Variants in POU6F2 observed in about 807,000 individuals in gnomAD.
The protein encoded by POU6F2 is POU class 6 homeobox 2.
Under a neutral mutation model 71.3 loss-of-function variants are expected in POU6F2, and 31 were observed. The observed-to-expected ratio is 0.43, with a 90% confidence interval of 0.33 to 0.59. The LOEUF (loss-of-function observed/expected upper bound fraction) is 0.59. Ranked by LOEUF, POU6F2 falls within the 20% of genes least tolerant of loss-of-function variation. The probability of loss-of-function intolerance (pLI) is 0.04; values close to 1 mark genes in which losing one functional copy is unlikely to be tolerated. For synonymous variants in POU6F2, 347 were observed against 355.7 expected (o/e 0.98, Z 0.27); for missense variants, 783 against 856.8 (o/e 0.91, Z 1.07).
chr7:39,450,250 A>G (rs560016848), intron 7 of POU6F2, among the ~76,000 whole-genome samples: 1 of 152,286 alleles, frequency 6.6e-6, no homozygotes, highest in East Asian at 1.9e-4. Flanking sequence ...TTTTGGGGGT[A>G]GCTCTCCCAC....
At chr7:39,297,773 A>G (rs187335957) in intron 4 of POU6F2, among the ~76,000 whole-genome samples, 6 of 152,168 alleles carry the variant, frequency 3.9e-5, no homozygotes, top group African/African-American at 1.4e-4. Context: ...GGCTACAGTA[A>G]CCAAAACAGC....
rs1490849466 is a variant in POU6F2, at chr7:39,207,436, G to A, written c.414G>A (p.Val138=). ...AQQLASAVAG[V]MPGGPPALNQ... is the part of the protein sequence containing the mutation. ...AGTTAGCTTCTGCTGTGGCCGGCGT[G>A]ATGCCGGGAGGCCCCCCAGCCCTCA... Residue 138 remains valine, a synonymous_variant, in exon 4 of 10, where the codon GTG becomes GTA. Coordinates refer to ENST00000518318, the MANE Select transcript of POU6F2 (RefSeq NM_001370959.1). The A allele has an allele frequency of 6.2e-7, 1 of 1,613,992 alleles. No homozygotes were observed. Among genetic ancestry groups the A allele is most frequent in the Non-Finnish European group, 8.5e-7 (1 of 1,179,866 alleles).
intron 4 of POU6F2, among the ~76,000 whole-genome samples, chr7:39,280,260 T>C (rs948966010): frequency 6.6e-6 from 1 of 152,140 alleles, no homozygotes; most frequent in Non-Finnish European, 1.5e-5. Flanking sequence ...AAGCCCATGC[T>C]CCCCCAAGGT....
At chr7:39,374,522 C>T (rs1343878900) in intron 5 of POU6F2, among the ~76,000 whole-genome samples, 2 of 152,130 alleles carry the variant, frequency 1.3e-5, no homozygotes, top group African/African-American at 4.8e-5. Context: ...TCTTAAAGCC[C>T]CCCAGATTCT....
At chr7:39,384,583 C>T (rs922204395) in intron 5 of POU6F2, among the ~76,000 whole-genome samples, 1 of 152,070 alleles carries the variant, frequency 6.6e-6, no homozygotes, top group Non-Finnish European at 1.5e-5. Context: ...AAAAGCCCTG[C>T]TTGTTTCTGC....
intron 1 of POU6F2, among the ~76,000 whole-genome samples, chr7:39,078,724 A>G (rs1189260934): frequency 6.6e-6 from 1 of 152,218 alleles, no homozygotes; most frequent in African/African-American, 2.4e-5. Context: ...CCATAAAGCA[A>G]AATCCAGGCT....
In POU6F2 at chr7:39,127,836, A is replaced by ATTTT. The variant is rs70977460; in HGVS notation, c.277+41826_277+41829dup. Among the ~76,000 whole-genome samples, 119 of 104,166 alleles carry ATTTT rather than the reference A, an allele frequency of 1.1e-3. 1 individual carries two copies. Among genetic ancestry groups the ATTTT allele is most frequent in the Middle Eastern group, 6.8e-3 (1 of 146 alleles). The allele number at this position is 104,166 out of a possible 152,430, so 68.3% of individuals were successfully genotyped here. A position where few individuals can be genotyped will look rare whatever the true frequency, so the allele number is the denominator to read the frequency against. On this transcript the variant is annotated intron_variant, in intron 2 of 9. Transcript: ENST00000518318. ...CTAAGTAAGATGAAAAGCCAGTGGA[A>ATTTT]TTTTTTTTTTTTTTTTTTTTTTTTG... is the stretch of plus-strand genomic sequence containing the variant.
chr7:39,345,544 A>G (rs1786016885), intron 5 of POU6F2, among the ~76,000 whole-genome samples: 1 of 152,240 alleles, frequency 6.6e-6, no homozygotes, highest in Non-Finnish European at 1.5e-5. Flanking sequence ...TTTTGATGGA[A>G]CTGAAATGTT....
At chr7:39,442,953 T>A (rs1788438375) in intron 7 of POU6F2, among the ~76,000 whole-genome samples, 2 of 152,266 alleles carry the variant, frequency 1.3e-5, no homozygotes, top group South Asian at 4.2e-4. Flanking sequence ...ACAGTTTTGA[T>A]CCAGGAGAAA....
chr7:39,187,709 A>T (rs1189881032), intron 2 of POU6F2, among the ~76,000 whole-genome samples: 1 of 152,230 alleles, frequency 6.6e-6, no homozygotes, highest in Non-Finnish European at 1.5e-5. Context: ...ATGAATGGAA[A>T]TGTGAAATTA....
chr7:39,360,994 G>C (rs1786377342), intron 5 of POU6F2, among the ~76,000 whole-genome samples: 1 of 152,132 alleles, frequency 6.6e-6, no homozygotes, highest in East Asian at 1.9e-4. Context: ...CTATGAGTTA[G>C]AATGTCTAAC....
chr7:39,230,920 T>A (rs889877407), intron 4 of POU6F2, among the ~76,000 whole-genome samples: 11 of 151,638 alleles, frequency 7.3e-5, no homozygotes, highest in African/African-American at 2.7e-4. Flanking sequence ...GCACAGTAGT[T>A]TTCAACTGGG....
chr7:39,243,270 G>A (rs1397600225), intron 4 of POU6F2, among the ~76,000 whole-genome samples: 1 of 152,126 alleles, frequency 6.6e-6, no homozygotes. Flanking sequence ...TCCATTTCCT[G>A]TGGTTCTTTC....
chr7:39,426,438 T>A (rs1027050158), intron 6 of POU6F2, among the ~76,000 whole-genome samples: 1 of 152,186 alleles, frequency 6.6e-6, no homozygotes, highest in Non-Finnish European at 1.5e-5. Flanking sequence ...TGGGACAGGA[T>A]TTTAAATCAT....
intron 1 of POU6F2, among the ~76,000 whole-genome samples, chr7:39,043,087 C>T (rs1385928064): frequency 6.6e-6 from 1 of 151,900 alleles, no homozygotes; most frequent in East Asian, 1.9e-4. Context: ...CCTAACATCC[C>T]ACAAAAGACA....
intron 1 of POU6F2, among the ~76,000 whole-genome samples, chr7:39,050,221 G>C (rs977007482): frequency 6.6e-6 from 1 of 151,738 alleles, no homozygotes; most frequent in Non-Finnish European, 1.5e-5. Context: ...ATATTTTTAA[G>C]GCTGACTTCT....
chr7:39,429,094 C>G (rs1396431252), intron 6 of POU6F2, among the ~76,000 whole-genome samples: 1 of 141,194 alleles, frequency 7.1e-6, no homozygotes, highest in Non-Finnish European at 1.5e-5. Flanking sequence ...CACATGTACC[C>G]TAGAACTTAA....
chr7:39,216,921 G>A (rs1794254315), intron 4 of POU6F2, among the ~76,000 whole-genome samples: 1 of 151,842 alleles, frequency 6.6e-6, no homozygotes, highest in Non-Finnish European at 1.5e-5. Context: ...TTTAAAGGAA[G>A]CCCCCTCCCC....
At chr7:39,242,905 T>C (rs1216644186) in intron 4 of POU6F2, among the ~76,000 whole-genome samples, 2 of 152,098 alleles carry the variant, frequency 1.3e-5, no homozygotes, top group Non-Finnish European at 2.9e-5. Flanking sequence ...GAAACCGAAG[T>C]ACAGAGAAGA....
Sources: allele counts gnomAD v4.1 joint callset (sites outside exome capture counted in the v4.1 genomes callset), GRCh38; gene constraint gnomAD v4.1.1; transcripts MANE v1.5; gene names NCBI Gene and HGNC (gene_info 2026-07-23, HGNC 2026-07-21).